Variants in HEXIM2 observed in about 807,000 individuals in gnomAD.
The protein encoded by HEXIM2 is HEXIM P-TEFb complex subunit 2.
For synonymous variants in HEXIM2, 159 were observed against 162.7 expected (o/e 0.98, Z 0.17); for missense variants, 413 against 390.8 (o/e 1.06, Z -0.48).
upstream of HEXIM2, chr17:45,161,124 G>A (rs2042671136): frequency 4.7e-6 from 2 of 427,514 alleles, no homozygotes; most frequent in South Asian, 3.5e-5. Flanking sequence ...GCCATACCCA[G>A]GCCGAATGGG....
chr17:45,169,189 T>C lies in HEXIM2; in HGVS notation c.241T>C (p.Ser81Pro). The C allele has an allele frequency of 6.2e-7, 1 of 1,613,634 alleles. No homozygotes were observed. The highest frequency in any genetic ancestry group is 8.5e-7 in the Non-Finnish European group (1 of 1,180,038). The change falls in exon 4 of 4, where the codon TCA (serine) becomes CCA (proline). Residue 81 changes from serine to proline, a missense_variant. By Grantham distance (74) the Ser-to-Pro change is moderately conservative (BLOSUM62 -1). Coordinates refer to ENST00000589230, the MANE Select transcript of HEXIM2 (RefSeq NM_001303441.2). ...SPRTQSPGGC[S>P]AEAVLARKKH... The stretch of plus-strand genomic sequence containing the variant: ...CCGGACCCAGAGCCCAGGGGGCTGC[T>C]CAGCGGAGGCTGTGCTGGCCCGGAA...
Position 45,167,024 on chromosome 17 carries a change from C to CAAA in HEXIM2, c.67-1974_67-1972dup, listed in dbSNP as rs58258565. The stretch of plus-strand genomic sequence containing the variant: ...TGGGTGACAGAGCAAGACTCTGTCT[C>CAAA]AAAAAAAAAAAAAAAAAAAGCCCAG... On this transcript the variant is annotated intron_variant, in intron 3 of 3. Transcript: ENST00000589230. Among the ~76,000 whole-genome samples the CAAA allele has an allele frequency of 1.1e-3, 72 of 67,908 alleles. 8 individuals are homozygous for CAAA. The highest frequency in any genetic ancestry group is 1.5e-3 in the East Asian group (3 of 1,972). 44.6% of individuals were successfully genotyped at this position (67,908 alleles called of 152,430 possible).
upstream of HEXIM2, chr17:45,160,653 C>A: frequency 3.0e-6 from 1 of 333,424 alleles, no homozygotes. Flanking sequence ...CTGTAAAGGG[C>A]AAAACCTCAT....
upstream of HEXIM2, among the ~76,000 whole-genome samples, chr17:45,160,425 C>A (rs898221813): frequency 6.6e-6 from 1 of 152,152 alleles, no homozygotes; most frequent in African/African-American, 2.4e-5. Context: ...AAAGAAAAAT[C>A]TTTAAACTGG....
chr17:45,168,035 C>G (rs73319048), intron 3 of HEXIM2, among the ~76,000 whole-genome samples: 5,050 of 151,204 alleles, frequency 0.033, 276 homozygotes, highest in East Asian at 0.23. Flanking sequence ...AGGCACGTGC[C>G]ACCACGCCCG....
intron 3 of HEXIM2, among the ~76,000 whole-genome samples, chr17:45,167,510 A>G (rs1156928378): frequency 6.6e-6 from 1 of 152,126 alleles, no homozygotes; most frequent in Non-Finnish European, 1.5e-5. Flanking sequence ...AGGCAAGAGG[A>G]TTGCTTGAGT....
chr17:45,169,629 G>A lies in HEXIM2; in HGVS notation c.681G>A (p.Ala227=), dbSNP rs1257636014. The A allele has an allele frequency of 2.0e-6, 3 of 1,536,032 alleles. No homozygotes were observed. Among genetic ancestry groups the A allele is most frequent in the Non-Finnish European group, 8.8e-7 (1 of 1,139,472 alleles). The change falls in exon 4 of 4, where the codon GCG becomes GCA. Residue 227 remains alanine, a synonymous_variant. Transcript: ENST00000589230. ...YLELEKRLSQ[A]EEETRRLQQL... is the part of the protein sequence containing the mutation. The stretch of plus-strand genomic sequence containing the variant: ...AGCTGGAGAAGCGGCTGTCGCAGGC[G>A]GAGGAGGAGACTAGGAGGCTGCAGC...
At position 45,169,635 on chromosome 17, in the gene HEXIM2, G is replaced by T; in HGVS notation, c.687G>T (p.Glu229Asp). Reference protein sequence around the residue: ...ELEKRLSQAEEETRRLQQLQA... With the variant: ...ELEKRLSQAEDETRRLQQLQA... The stretch of plus-strand genomic sequence containing the variant: ...AGAAGCGGCTGTCGCAGGCGGAGGA[G>T]GAGACTAGGAGGCTGCAGCAGCTGC... The change falls in exon 4 of 4, where the codon GAG (glutamate) becomes GAT (aspartate). Residue 229 changes from glutamate (E) to aspartate (D), a missense_variant. Physicochemically the swap from Glu to Asp is conservative, Grantham distance 45. Coordinates refer to ENST00000589230, the MANE Select transcript of HEXIM2 (RefSeq NM_001303441.2). The T allele has an allele frequency of 6.5e-7, 1 of 1,532,128 alleles. No homozygotes were observed. The highest frequency in any genetic ancestry group is 8.8e-7 in the Non-Finnish European group (1 of 1,137,306). 94.9% of individuals were successfully genotyped at this position (1,532,128 alleles called of 1,614,324 possible). A position where few individuals can be genotyped will look rare whatever the true frequency, so the allele number is the denominator to read the frequency against.
At chr17:45,163,921 G>A (rs1247621961) in intron 3 of HEXIM2, among the ~76,000 whole-genome samples, 1 of 150,430 alleles carries the variant, frequency 6.6e-6, no homozygotes, top group African/African-American at 2.5e-5. Context: ...TTTGGAGGCT[G>A]AGGTGGGTGG....
intron 3 of HEXIM2, among the ~76,000 whole-genome samples, chr17:45,163,064 C>T (rs2042746215): frequency 6.6e-6 from 1 of 152,212 alleles, no homozygotes; most frequent in Non-Finnish European, 1.5e-5. Flanking sequence ...TGGCTCACAC[C>T]TGTAATCCCA....
chr17:45,161,828 CA>C (rs1266340959), upstream of HEXIM2: 1 of 985,402 alleles, frequency 1.0e-6, no homozygotes, highest in Non-Finnish European at 1.2e-6. Context: ...GATCGCTTTT[CA>C]GGCCAGAAGA....
chr17:45,161,433 C>G, upstream of HEXIM2: 1 of 174,262 alleles, frequency 5.7e-6, no homozygotes. Flanking sequence ...TCCCCGCGCC[C>G]GGACCACCCC....
At chr17:45,168,041 G>C (rs1046040653) in intron 3 of HEXIM2, among the ~76,000 whole-genome samples, 2 of 149,532 alleles carry the variant, frequency 1.3e-5, no homozygotes, top group African/African-American at 4.9e-5. Flanking sequence ...GTGCCACCAC[G>C]CCCGGCTTAT....
At chr17:45,165,233 C>T (rs2042806118) in intron 3 of HEXIM2, among the ~76,000 whole-genome samples, 1 of 152,138 alleles carries the variant, frequency 6.6e-6, no homozygotes, top group African/African-American at 2.4e-5. Context: ...TCGTGATCTC[C>T]CTGCAGGTGA....
chr17:45,161,552 C>G (rs1055912538), upstream of HEXIM2: 3 of 160,444 alleles, frequency 1.9e-5, no homozygotes, highest in African/African-American at 7.2e-5. Context: ...GGCCAAGGAT[C>G]CCTCCGCGCC....
At chr17:45,161,132 G>C (rs2042671287), upstream of HEXIM2, 1 of 412,822 alleles carries the variant, frequency 2.4e-6, no homozygotes, top group Non-Finnish European at 4.7e-6. Context: ...CAGGCCGAAT[G>C]GGGGTGGGGA....
In HEXIM2 at chr17:45,169,544, G is replaced by C. The variant is rs1238549973; in HGVS notation, c.596G>C (p.Arg199Pro). Residue 199 changes from arginine to proline, a missense_variant, in exon 4 of 4, where the codon CGC (arginine) becomes CCC (proline). Transcript: ENST00000589230. ...QRKDFSETYE[R>P]FHTESLQGRS... Reference sequence around the variant, plus strand: ...AAGGACTTCTCTGAGACTTACGAACGCTTCCACACCGAGAGCCTGCAGGGC... The same window carrying C: ...AAGGACTTCTCTGAGACTTACGAACCCTTCCACACCGAGAGCCTGCAGGGC... 3.2e-6 allele frequency: 5 copies of C among 1,573,226 alleles called. No homozygotes were observed. The African/African-American group carries it at 5.4e-5, about 17-fold the overall frequency.
At chr17:45,162,287 G>A (rs1268221033) in intron 1 of HEXIM2, among the ~76,000 whole-genome samples, 2 of 152,188 alleles carry the variant, frequency 1.3e-5, no homozygotes, top group East Asian at 1.9e-4. Flanking sequence ...AAGGTTGGGG[G>A]TGCAGGGCTG....
At position 45,169,320 on chromosome 17, in the gene HEXIM2, C is replaced by T. The variant is rs764646055; in HGVS notation, c.372C>T (p.Ala124=). 3.7e-6 allele frequency: 6 copies of T among 1,613,730 alleles called. No individual in the cohort carries two copies. In the Admixed American group the frequency reaches 1.0e-4, roughly 27 times the overall value. Reference sequence around the variant, plus strand: ...GGGATGAGAGGCAGAGCCAGAGGGCCTCCCGGGTCCGCGAAGAGATGTTCG... The same window carrying T: ...GGGATGAGAGGCAGAGCCAGAGGGCTTCCCGGGTCCGCGAAGAGATGTTCG... ...QQRDERQSQR[A]SRVREEMFAK... Residue 124 remains alanine, a synonymous_variant, in exon 4 of 4, where the codon GCC becomes GCT. Coordinates refer to ENST00000589230, the MANE Select transcript of HEXIM2 (RefSeq NM_001303441.2).
Sources: allele counts gnomAD v4.1 joint callset (sites outside exome capture counted in the v4.1 genomes callset), GRCh38; gene constraint gnomAD v4.1.1; transcripts MANE v1.5; gene names NCBI Gene and HGNC (gene_info 2026-07-23, HGNC 2026-07-21).